ZCWPW2: variants seen among roughly 807,000 people sequenced by gnomAD.
ZCWPW2 encodes zinc finger CW-type PWWP domain protein 2.
In ZCWPW2, 45 loss-of-function variants were observed where a neutral mutation model predicts 46.6. That is an observed-to-expected ratio of 0.96 (90% CI 0.76 to 1.24). The LOEUF is 1.24. Ranked by LOEUF, ZCWPW2 falls within the 50% of genes most tolerant of loss-of-function variation. The pLI, the probability that ZCWPW2 is intolerant of heterozygous loss-of-function variation, is 0.00. For missense variants in ZCWPW2, 429 were observed against 403.9 expected, an observed-to-expected ratio of 1.06 and a Z score of -0.53; for synonymous variants, 152 against 137.1, an observed-to-expected ratio of 1.11 and a Z score of -0.76.
intron 4 of ZCWPW2, among the ~76,000 whole-genome samples, chr3:28,457,657 A>C (rs1028688373): frequency 6.6e-6 from 1 of 152,208 alleles, no homozygotes; most frequent in Admixed American, 6.5e-5. Flanking sequence ...AAAACTATCT[A>C]TTGACACTAT....
intron 1 of ZCWPW2, among the ~76,000 whole-genome samples, chr3:28,352,955 G>A (rs942477044): frequency 6.6e-6 from 1 of 152,174 alleles, no homozygotes; most frequent in Middle Eastern, 3.4e-3. Flanking sequence ...AGGCTGAGAT[G>A]GGCCAATCAC....
At chr3:28,477,556 G>A (rs1395406212) in intron 4 of ZCWPW2, among the ~76,000 whole-genome samples, 1 of 152,166 alleles carries the variant, frequency 6.6e-6, no homozygotes, top group Non-Finnish European at 1.5e-5. Flanking sequence ...TCAGAAAGTA[G>A]TAAATCAATA....
intron 4 of ZCWPW2, among the ~76,000 whole-genome samples, chr3:28,476,424 C>T (rs1397142693): frequency 6.6e-6 from 1 of 152,116 alleles, no homozygotes; most frequent in Non-Finnish European, 1.5e-5. Flanking sequence ...TTCAAAGACT[C>T]CCAGACACAA....
chr3:28,487,210 C>A (rs913164370), intron 5 of ZCWPW2, among the ~76,000 whole-genome samples: 6 of 151,966 alleles, frequency 3.9e-5, no homozygotes, highest in African/African-American at 1.2e-4. Context: ...TCCTGCATCT[C>A]TTTTCATTCT....
intron 1 of ZCWPW2, among the ~76,000 whole-genome samples, chr3:28,356,852 C>T (rs750087242): frequency 1.4e-4 from 22 of 151,836 alleles, no homozygotes; most frequent in South Asian, 4.2e-4. Context: ...CAGGGCCTGT[C>T]GTGGGGTGGG....
At chr3:28,374,472 C>T (rs1575062899) in intron 1 of ZCWPW2, among the ~76,000 whole-genome samples, 1 of 152,024 alleles carries the variant, frequency 6.6e-6, no homozygotes, top group African/African-American at 2.4e-5. Context: ...ATTTTGGTTC[C>T]ATATAAATGT....
chr3:28,402,509 T>G (rs556788264), intron 2 of ZCWPW2, among the ~76,000 whole-genome samples: 7 of 152,262 alleles, frequency 4.6e-5, no homozygotes, highest in African/African-American at 1.7e-4. Context: ...ACTGACACTA[T>G]TTCACAAGAT....
intron 2 of ZCWPW2, 44 bp from the exon 3 acceptor site, chr3:28,413,012 T>C: frequency 1.3e-6 from 2 of 1,491,124 alleles, no homozygotes; most frequent in Non-Finnish European, 9.0e-7. Flanking sequence ...CTCCTTATAC[T>C]CTTGAATCCT....
At chr3:28,391,530 A>G (rs1695490485) in intron 2 of ZCWPW2, among the ~76,000 whole-genome samples, 5 of 152,224 alleles carry the variant, frequency 3.3e-5, no homozygotes, top group Admixed American at 3.3e-4. Context: ...AGAAATGGGC[A>G]TACCTGAAAT....
At chr3:28,521,678 T>C (rs754332019) in intron 9 of ZCWPW2, among the ~76,000 whole-genome samples, 5 of 152,156 alleles carry the variant, frequency 3.3e-5, no homozygotes, top group Non-Finnish European at 7.3e-5. Flanking sequence ...ATTCAGTGTC[T>C]CTGCAATAAA....
chr3:28,413,061 A>G lies in ZCWPW2; in HGVS notation c.-8A>G. On this transcript the variant is annotated 5_prime_UTR_variant, in exon 3 of 10. It removes an upstream start codon present in the reference 5' UTR. Transcript: ENST00000383768. ...TCCTCTTTCTTATTTTCCAGATTAA[A>G]TGCCTTAATGGATAAAGAAAAATTG... 6.3e-7 allele frequency: 1 copy of G among 1,596,168 alleles called. No individual in the cohort carries two copies.
rs1700844318 is a variant in ZCWPW2, at chr3:28,526,326, T to C, written c.*1638T>C. On this transcript the variant is annotated 3_prime_UTR_variant, in exon 10 of 10. Transcript: ENST00000383768. ...TACTCATCAATATCAGAGTTCTTTCTTTCTCATTTATAAAATTAATCTTTG... is the reference window on the plus strand; with the variant it reads ...TACTCATCAATATCAGAGTTCTTTCCTTCTCATTTATAAAATTAATCTTTG... Among the ~76,000 whole-genome samples the C allele has an allele frequency of 6.6e-6, 1 of 152,214 alleles. No homozygotes were observed. Among genetic ancestry groups the C allele is most frequent in the South Asian group, 2.1e-4 (1 of 4,834 alleles).
chr3:28,460,804 A>G (rs552002157), intron 4 of ZCWPW2, among the ~76,000 whole-genome samples: 4 of 152,222 alleles, frequency 2.6e-5, no homozygotes, highest in Non-Finnish European at 5.9e-5. Context: ...ATGATGCGTC[A>G]GTGCAATACA....
At chr3:28,511,047 C>T (rs1448519514) in intron 6 of ZCWPW2, 1 of 455,596 alleles carries the variant, frequency 2.2e-6, no homozygotes, top group Non-Finnish European at 4.4e-6. Flanking sequence ...TAAGAATCTA[C>T]CCCAGATGTC....
intron 2 of ZCWPW2, among the ~76,000 whole-genome samples, chr3:28,399,736 A>G (rs767607193): frequency 2.0e-5 from 3 of 152,244 alleles, no homozygotes; most frequent in Non-Finnish European, 4.4e-5. Flanking sequence ...AGGGGAGAGT[A>G]CTACATCAAG....
chr3:28,521,879 C>G (rs181714735), intron 9 of ZCWPW2, among the ~76,000 whole-genome samples: 2 of 152,226 alleles, frequency 1.3e-5, no homozygotes, highest in East Asian at 3.9e-4. Flanking sequence ...CACAATGTGC[C>G]TGGAGTCAAG....
chr3:28,485,608 T>TG (rs1699575192), intron 5 of ZCWPW2, among the ~76,000 whole-genome samples: 2 of 152,190 alleles, frequency 1.3e-5, no homozygotes, highest in South Asian at 4.1e-4. Context: ...CAAGTCTTCT[T>TG]GGAGTATTGA....
At chr3:28,388,731 C>A (rs1171031544) in intron 1 of ZCWPW2, among the ~76,000 whole-genome samples, 1 of 152,174 alleles carries the variant, frequency 6.6e-6, no homozygotes, top group Non-Finnish European at 1.5e-5. Context: ...ATAACTGGCA[C>A]CTTCTGCCCC....
intron 4 of ZCWPW2, among the ~76,000 whole-genome samples, chr3:28,451,039 TATC>T (rs1051849507): frequency 2.6e-5 from 4 of 152,140 alleles, no homozygotes; most frequent in Admixed American, 6.5e-5. Flanking sequence ...GCTAGTGAAA[TATC>T]ATCCAGAGTT....
Sources: gnomAD v4.1 joint callset for allele counts (sites outside exome capture counted in the v4.1 genomes callset) on GRCh38, gnomAD v4.1.1 for gene constraint, MANE v1.5 for transcripts, NCBI Gene and HGNC (gene_info 2026-07-23, HGNC 2026-07-21) for gene names.